SGTA: variants seen among roughly 807,000 people sequenced by gnomAD.
The protein encoded by SGTA is small glutamine-rich tetratricopeptide repeat-containing protein alpha.
In SGTA, 22 loss-of-function variants were observed where a neutral mutation model predicts 44.3. The observed-to-expected ratio is 0.50, with a 90% CI of 0.36 to 0.71. SGTA has a LOEUF of 0.71. Among genes scored for constraint, SGTA ranks in the 30% least tolerant of loss-of-function variants. The pLI, the probability that SGTA is intolerant of heterozygous loss-of-function variation, is 0.00. For synonymous variants in SGTA, 174 were observed against 177.6 expected (o/e 0.98, Z 0.16); for missense variants, 341 against 435.9 (o/e 0.78, Z 1.94).
rs892458945 is a variant in SGTA, at chr19:2,767,667, C to T, written c.120G>A (p.Glu40=). 1.2e-6 allele frequency: 2 copies of T among 1,613,720 alleles called. No homozygotes were observed. Among genetic ancestry groups the T allele is most frequent in the Non-Finnish European group, 1.7e-6 (2 of 1,179,902 alleles). Residue 40 remains glutamate (E), a synonymous_variant, in exon 3 of 12, where the codon GAG becomes GAA. Transcript: ENST00000221566. This position sits in a 1 kb window ranked among gnomAD's most constrained non-coding sequence, Gnocchi z 7.3. The part of the protein sequence containing the change: ...ESLEVAIQCL[E]TAFGVTVEDS... ...CTTCTACCGTCACCCCAAACGCAGT[C>T]TCCAGGCACTGGATGGCGACTGAAG... is the stretch of plus-strand genomic sequence containing the variant.
Position 2,761,450 on chromosome 19 carries a change from G to A in SGTA, c.699+10C>T, listed in dbSNP as rs761303062. 7.1e-6 allele frequency: 11 copies of A among 1,550,692 alleles called. No individual in the cohort carries two copies. The Admixed American group carries it at 7.8e-5, about 11-fold the overall frequency. ...GACACCATGGACAGGGAGGAGGGGC[G>A]GGCCGTTACCATGCTCATGAAGCCA... On this transcript the variant is annotated intron_variant, in intron 8 of 11. Transcript: ENST00000221566. The surrounding 1 kb of genome is among the most constrained non-coding windows in gnomAD (Gnocchi z 5.7).
chr19:2,778,870 CT>C (rs1338606008), intron 1 of SGTA, among the ~76,000 whole-genome samples: 1 of 152,246 alleles, frequency 6.6e-6, no homozygotes, highest in Non-Finnish European at 1.5e-5. Flanking sequence ...TGGGGACCCC[CT>C]GATTTCCACC....
chr19:2,755,499 G>A lies in SGTA; in HGVS notation c.*441C>T. 1.0e-6 allele frequency: 1 copy of A among 987,036 alleles called. No homozygotes were observed. The highest frequency in any genetic ancestry group is 1.7e-5 in the African/African-American group (1 of 57,436). 61.1% of individuals were successfully genotyped at this position (987,036 alleles called of 1,614,324 possible). ...TGGCCGGGAGGTCGACTCGGAAAGAGGCTTCTCACAGACGGGAGAGTTCCT... is the reference window on the plus strand; with the variant it reads ...TGGCCGGGAGGTCGACTCGGAAAGAAGCTTCTCACAGACGGGAGAGTTCCT... On this transcript the variant is annotated 3_prime_UTR_variant, in exon 12 of 12. Transcript: ENST00000221566. This position sits in a 1 kb window ranked among gnomAD's most constrained non-coding sequence, Gnocchi z 5.2.
chr19:2,771,596 G>A (rs887677062), intron 1 of SGTA, among the ~76,000 whole-genome samples: 1 of 147,618 alleles, frequency 6.8e-6, no homozygotes, highest in African/African-American at 2.5e-5. Context: ...GGAGGGGTAC[G>A]AGACCAGGCG....
Position 2,767,460 on chromosome 19 carries a change from G to A in SGTA, c.207+120C>T. 1 of 889,398 alleles carries A rather than the reference G, an allele frequency of 1.1e-6. No individual in the cohort carries two copies. The allele number at this position is 889,398 out of a possible 1,614,324, so 55.1% of individuals were successfully genotyped here. Reference sequence around the variant, plus strand: ...CTCCTGCAGCCACGTCCCCAGCCCAGGAGAGGATGCAGGCAGAGTGCTGGG... The same window carrying A: ...CTCCTGCAGCCACGTCCCCAGCCCAAGAGAGGATGCAGGCAGAGTGCTGGG... On this transcript the variant is annotated intron_variant, in intron 3 of 11. Coordinates refer to ENST00000221566, the MANE Select transcript of SGTA (RefSeq NM_003021.4). This position sits in a 1 kb window ranked among gnomAD's most constrained non-coding sequence, Gnocchi z 7.3.
In SGTA at chr19:2,763,465, G is replaced by A. The variant is rs1024469541; in HGVS notation, c.497+188C>T. Reference sequence around the variant, plus strand: ...CTCCGGGTGGCACCTGATGCGGGGCGTCTGTGGGGCTGAGCCTGTGACCTG... The same window carrying A: ...CTCCGGGTGGCACCTGATGCGGGGCATCTGTGGGGCTGAGCCTGTGACCTG... On this transcript the variant is annotated intron_variant, in intron 6 of 11. Coordinates refer to ENST00000221566, the MANE Select transcript of SGTA (RefSeq NM_003021.4). This position sits in a 1 kb window ranked among gnomAD's most constrained non-coding sequence, Gnocchi z 5.8. Among the ~76,000 whole-genome samples the A allele has an allele frequency of 3.9e-5, 6 of 152,172 alleles. No homozygotes were observed. The highest frequency in any genetic ancestry group is 1.3e-4 in the Admixed American group (2 of 15,278).
At chr19:2,757,825 C>A in intron 9 of SGTA, 43 bp from the exon 10 acceptor site, 2 of 1,382,340 alleles carry the variant, frequency 1.4e-6, no homozygotes, top group African/African-American at 1.4e-5. Context: ...ACAGCCTGAC[C>A]GCCACCCCCA....
intron 1 of SGTA, among the ~76,000 whole-genome samples, chr19:2,771,665 C>A (rs990936890): frequency 6.6e-6 from 1 of 152,026 alleles, no homozygotes; most frequent in Non-Finnish European, 1.5e-5. Context: ...TGCTGGTGCA[C>A]CCTCCGTGTC....
At position 2,767,515 on chromosome 19, in the gene SGTA, C is replaced by T. The variant is rs1196655781; in HGVS notation, c.207+65G>A. On this transcript the variant is annotated intron_variant, in intron 3 of 11. Coordinates refer to ENST00000221566, the MANE Select transcript of SGTA (RefSeq NM_003021.4). The surrounding 1 kb of genome is among the most constrained non-coding windows in gnomAD (Gnocchi z 7.3). ...GATGAGAGCGGGGCTCCTGGGGTCCCCAGGGCTGCCTGCTGTTGCTGTTCT... is the reference window on the plus strand; with the variant it reads ...GATGAGAGCGGGGCTCCTGGGGTCCTCAGGGCTGCCTGCTGTTGCTGTTCT... 1.5e-6 allele frequency: 2 copies of T among 1,374,944 alleles called. No individual in the cohort carries two copies. The highest frequency in any genetic ancestry group is 2.1e-6 in the Non-Finnish European group (2 of 969,928). 85.2% of individuals were successfully genotyped at this position (1,374,944 alleles called of 1,614,324 possible).
intron 5 of SGTA, among the ~76,000 whole-genome samples, chr19:2,764,701 T>G (rs1415458939): frequency 6.6e-6 from 1 of 152,116 alleles, no homozygotes; most frequent in Non-Finnish European, 1.5e-5. Flanking sequence ...GCCTCTTGAG[T>G]AACTGGTGGT....
chr19:2,771,587 G>GT (rs1422098102), intron 1 of SGTA, among the ~76,000 whole-genome samples: 1 of 147,908 alleles, frequency 6.8e-6, no homozygotes, highest in South Asian at 2.2e-4. Flanking sequence ...GGGGGGGGGG[G>GT]AGGGGTACGA....
At chr19:2,759,215 T>C in intron 9 of SGTA, 42 bp downstream of exon 9, 1 of 1,594,828 alleles carries the variant, frequency 6.3e-7, no homozygotes, top group South Asian at 1.1e-5. Context: ...TAAAAGGAAA[T>C]TTAACCACAA....
Position 2,767,372 on chromosome 19 carries a change from T to C in SGTA, c.208-152A>G. On this transcript the variant is annotated intron_variant, in intron 3 of 11. Transcript: ENST00000221566. This position sits in a 1 kb window ranked among gnomAD's most constrained non-coding sequence, Gnocchi z 7.3. ...CTCCTGGCCCCCCATCATGTGGCCC[T>C]GGGCGAGTGACCACAGCGCTATGTG... The C allele has an allele frequency of 4.1e-6, 3 of 735,182 alleles. No homozygotes were observed. The highest frequency in any genetic ancestry group is 1.8e-5 in the African/African-American group (1 of 57,080). 45.5% of individuals were successfully genotyped at this position (735,182 alleles called of 1,614,324 possible). A position where few individuals can be genotyped will look rare whatever the true frequency, so the allele number is the denominator to read the frequency against.
Position 2,767,810 on chromosome 19 carries a change from C to G in SGTA, c.101-124G>C, listed in dbSNP as rs1028765062. ...GTGTTCATTCCCAAGGACCCCAGAACGCAGGGGCCGCCGCCTGTGCTCTGG... is the reference window on the plus strand; with the variant it reads ...GTGTTCATTCCCAAGGACCCCAGAAGGCAGGGGCCGCCGCCTGTGCTCTGG... On this transcript the variant is annotated intron_variant, in intron 2 of 11. Coordinates refer to ENST00000221566, the MANE Select transcript of SGTA (RefSeq NM_003021.4). The surrounding 1 kb of genome is among the most constrained non-coding windows in gnomAD (Gnocchi z 7.3). 1 of 715,692 alleles carries G rather than the reference C, an allele frequency of 1.4e-6. No homozygotes were observed. Among genetic ancestry groups the G allele is most frequent in the Non-Finnish European group, 2.5e-6 (1 of 402,756 alleles). The allele number at this position is 715,692 out of a possible 1,614,324, so 44.3% of individuals were successfully genotyped here.
intron 1 of SGTA, among the ~76,000 whole-genome samples, chr19:2,771,446 C>T (rs1337777789): frequency 6.6e-6 from 1 of 152,016 alleles, no homozygotes. Context: ...CATGATTCCT[C>T]GTGGTGAGTC....
intron 6 of SGTA, among the ~76,000 whole-genome samples, chr19:2,762,872 C>T (rs1915038803): frequency 6.6e-6 from 1 of 152,174 alleles, no homozygotes. Context: ...CTGGAGTCCC[C>T]ATGGGGCCAC....
chr19:2,755,480 G>T lies in SGTA; in HGVS notation c.*460C>A. 1 of 987,464 alleles carries T rather than the reference G, an allele frequency of 1.0e-6. No homozygotes were observed. The allele number at this position is 987,464 out of a possible 1,614,324, so 61.2% of individuals were successfully genotyped here. A position where few individuals can be genotyped will look rare whatever the true frequency, so the allele number is the denominator to read the frequency against. Reference sequence around the variant, plus strand: ...AGCAGGCACAGGGCCGGGGTGGCCGGGAGGTCGACTCGGAAAGAGGCTTCT... The same window carrying T: ...AGCAGGCACAGGGCCGGGGTGGCCGTGAGGTCGACTCGGAAAGAGGCTTCT... On this transcript the variant is annotated 3_prime_UTR_variant, in exon 12 of 12. Coordinates refer to ENST00000221566, the MANE Select transcript of SGTA (RefSeq NM_003021.4). The surrounding 1 kb of genome is among the most constrained non-coding windows in gnomAD (Gnocchi z 5.2).
chr19:2,757,819 C>A, intron 9 of SGTA, 37 bp from the exon 10 acceptor site: 1 of 1,433,986 alleles, frequency 7.0e-7, no homozygotes, highest in Non-Finnish European at 9.4e-7. Context: ...GCCGGGACAG[C>A]CTGACCGCCA....
Position 2,767,574 on chromosome 19 carries a change from G to A in SGTA, c.207+6C>T, listed in dbSNP as rs1424865714. The stretch of plus-strand genomic sequence containing the variant: ...GGGCAGTGGCTGGGGAAGCATCGAG[G>A]CTCACCTTGCCCGTGGCAGCCGCTT... On this transcript the variant is annotated splice_donor_region_variant and intron_variant, in intron 3 of 11. Transcript: ENST00000221566. The surrounding 1 kb of genome is among the most constrained non-coding windows in gnomAD (Gnocchi z 7.3). 1 of 1,609,414 alleles carries A rather than the reference G, an allele frequency of 6.2e-7. No individual in the cohort carries two copies. The highest frequency in any genetic ancestry group is 8.5e-7 in the Non-Finnish European group (1 of 1,176,792).
Sources: gnomAD v4.1 joint callset for allele counts (sites outside exome capture counted in the v4.1 genomes callset) on GRCh38, gnomAD v4.1.1 for gene constraint, Gnocchi (gnomAD v3.1) non-coding constraint, MANE v1.5 for transcripts, NCBI Gene and HGNC (gene_info 2026-07-23, HGNC 2026-07-21) for gene names.